ADORA2B: variants seen among roughly 807,000 people sequenced by gnomAD.
ADORA2B encodes the protein adenosine receptor A2b.
ADORA2B carries 18 observed loss-of-function variants against 20.8 expected under a neutral mutation model. The ratio of observed to expected loss-of-function variants is 0.87; its 90% confidence interval spans 0.60 to 1.29. ADORA2B has a LOEUF of 1.29. ADORA2B is among the 50% of genes most tolerant of loss of function. The probability of loss-of-function intolerance (pLI) is 0.00; values close to 1 mark genes in which losing one functional copy is unlikely to be tolerated. For synonymous variants in ADORA2B, 179 were observed against 178.3 expected (o/e 1.00, Z -0.03); for missense variants, 441 against 422.7 (o/e 1.04, Z -0.38).
At chr17:15,917,788 G>T in the ADORA2B span, among the ~76,000 whole-genome samples, 3 of 152,336 alleles carry the variant, frequency 2.0e-5, no homozygotes, top group Admixed American at 2.0e-4. Context: ...GGCCTGGCGC[G>T]GGCAGGGGCG....
chr17:15,966,005 C>T (rs887853436), intron 1 of ADORA2B, among the ~76,000 whole-genome samples: 4 of 152,238 alleles, frequency 2.6e-5, no homozygotes, highest in Admixed American at 2.6e-4. Context: ...TTTGTTAGTG[C>T]TCTAGTGACA....
chr17:15,887,685 C>T, the ADORA2B span, among the ~76,000 whole-genome samples: 198 of 127,406 alleles, frequency 1.6e-3, 37 homozygotes, highest in Middle Eastern at 0.029. Flanking sequence ...TGGTCGCTCA[C>T]GCCTGTAATC....
chr17:15,968,417 C>T (rs914150886), intron 1 of ADORA2B, among the ~76,000 whole-genome samples: 5 of 152,218 alleles, frequency 3.3e-5, no homozygotes, highest in African/African-American at 1.2e-4. Context: ...CATACCATAA[C>T]ATCGCAGAGC....
chr17:15,969,963 G>A (rs73978571), intron 1 of ADORA2B, among the ~76,000 whole-genome samples: 6,950 of 152,182 alleles, frequency 0.046, 153 homozygotes, highest in East Asian at 0.074. Flanking sequence ...TTGTTCTCTC[G>A]GCCTGGTATG....
At chr17:15,964,387 ACC>A (rs1178065851) in intron 1 of ADORA2B, among the ~76,000 whole-genome samples, 1 of 151,726 alleles carries the variant, frequency 6.6e-6, no homozygotes, top group Non-Finnish European at 1.5e-5. Flanking sequence ...TTGGCGGATC[ACC>A]AGAGGTCAGG....
chr17:15,883,361 T>C, the ADORA2B span, among the ~76,000 whole-genome samples: 5 of 152,228 alleles, frequency 3.3e-5, no homozygotes, highest in Non-Finnish European at 7.3e-5. Context: ...TCTAAAACTG[T>C]GTATTAACTT....
At chr17:15,910,191 G>T in the ADORA2B span, among the ~76,000 whole-genome samples, 5 of 152,176 alleles carry the variant, frequency 3.3e-5, no homozygotes, top group Non-Finnish European at 7.3e-5. Flanking sequence ...TCTGATTGCT[G>T]ATCTGAGCCA....
chr17:15,891,144 T>C, the ADORA2B span, among the ~76,000 whole-genome samples: 1 of 152,298 alleles, frequency 6.6e-6, no homozygotes, highest in East Asian at 1.9e-4. Flanking sequence ...CGGGTGCCTG[T>C]AGTCCCAGCT....
the ADORA2B span, among the ~76,000 whole-genome samples, chr17:15,884,396 A>AT: frequency 1.3e-5 from 2 of 151,796 alleles, no homozygotes; most frequent in South Asian, 2.1e-4. Flanking sequence ...AATTTATTAA[A>AT]TTTTTTTTTC....
chr17:15,964,790 G>A (rs189250309), intron 1 of ADORA2B, among the ~76,000 whole-genome samples: 22 of 149,986 alleles, frequency 1.5e-4, no homozygotes, highest in African/African-American at 3.2e-4. Context: ...GGCCGGGCGC[G>A]GTGGCTCACG....
At chr17:15,892,753 A>G in the ADORA2B span, among the ~76,000 whole-genome samples, 4 of 151,972 alleles carry the variant, frequency 2.6e-5, no homozygotes, top group African/African-American at 9.7e-5. Context: ...AAGGTGAAGA[A>G]GTACTGGGAA....
chr17:15,946,593 A>G (rs1969809810), intron 1 of ADORA2B, among the ~76,000 whole-genome samples: 1 of 152,204 alleles, frequency 6.6e-6, no homozygotes. Flanking sequence ...GAAGGAATTC[A>G]TTTATTGGGT....
chr17:15,866,694 T>TCTGCCTCTGCCGCTGCTG, the ADORA2B span, among the ~76,000 whole-genome samples: 1 of 143,792 alleles, frequency 7.0e-6, no homozygotes, highest in Admixed American at 6.8e-5. Flanking sequence ...TCCCTCTGCC[T>TCTGCCTCTGCCGCTGCTG]CTGCCTCTGC....
the ADORA2B span, among the ~76,000 whole-genome samples, chr17:15,862,822 T>G: frequency 4.1e-5 from 5 of 120,694 alleles, no homozygotes; most frequent in East Asian, 2.5e-4. Context: ...TTTTTTTTTT[T>G]GGGAGACAGA....
At chr17:15,963,446 G>A (rs1237658019) in intron 1 of ADORA2B, among the ~76,000 whole-genome samples, 2 of 152,192 alleles carry the variant, frequency 1.3e-5, no homozygotes, top group Admixed American at 6.5e-5. Context: ...GCTTTTGACA[G>A]TTAATGTCAC....
the ADORA2B span, among the ~76,000 whole-genome samples, chr17:15,883,590 G>C: frequency 6.6e-6 from 1 of 152,194 alleles, no homozygotes; most frequent in African/African-American, 2.4e-5. Flanking sequence ...TGGCTGACAT[G>C]CACCACAACA....
chr17:15,929,893 A>T, the ADORA2B span, among the ~76,000 whole-genome samples: 1 of 152,144 alleles, frequency 6.6e-6, no homozygotes, highest in Non-Finnish European at 1.5e-5. Context: ...TTAGTGTTTA[A>T]TGGGGACAGA....
At chr17:15,866,074 G>A in the ADORA2B span, among the ~76,000 whole-genome samples, 22 of 152,014 alleles carry the variant, frequency 1.4e-4, 1 homozygote, top group African/African-American at 4.8e-4. Context: ...TTGATAGATC[G>A]TTGAGTCAAG....
chr17:15,947,988 C>T (rs1348454151), intron 1 of ADORA2B, among the ~76,000 whole-genome samples: 1 of 152,214 alleles, frequency 6.6e-6, no homozygotes, highest in Non-Finnish European at 1.5e-5. Flanking sequence ...GCCCTGAGGC[C>T]TTCCTGGGGT....
Sources: allele counts gnomAD v4.1 joint callset (sites outside exome capture counted in the v4.1 genomes callset), GRCh38; gene constraint gnomAD v4.1.1; transcripts MANE v1.5; gene names NCBI Gene and HGNC (gene_info 2026-07-23, HGNC 2026-07-21).